B3GALT5: variants seen among roughly 807,000 people sequenced by gnomAD.
B3GALT5 encodes beta-1,3-galactosyltransferase 5.
For missense variants in B3GALT5, 328 were observed against 396.6 expected (o/e 0.83, Z 1.47); for synonymous variants, 156 against 158.6 (o/e 0.98, Z 0.12).
intron 2 of B3GALT5, among the ~76,000 whole-genome samples, chr21:39,656,562 T>C (rs902495516): frequency 2.0e-5 from 3 of 152,204 alleles, no homozygotes; most frequent in Non-Finnish European, 4.4e-5. Flanking sequence ...GGCCTCATAG[T>C]GGGGCTTGGC....
intron 2 of B3GALT5, among the ~76,000 whole-genome samples, chr21:39,649,754 G>A (rs1424051179): frequency 3.9e-5 from 6 of 152,178 alleles, no homozygotes; most frequent in South Asian, 2.1e-4. Context: ...AGATAGTGAC[G>A]TTGGGGATCT....
At chr21:39,638,947 G>A (rs183801923) in intron 1 of B3GALT5, among the ~76,000 whole-genome samples, 2 of 152,304 alleles carry the variant, frequency 1.3e-5, no homozygotes, top group Non-Finnish European at 2.9e-5. Flanking sequence ...AGAAGTGAGC[G>A]ATAGGTGGAT....
chr21:39,635,680 A>T (rs2079222380), intron 1 of B3GALT5, among the ~76,000 whole-genome samples: 1 of 152,076 alleles, frequency 6.6e-6, no homozygotes, highest in African/African-American at 2.4e-5. Context: ...GGGTTTTGCC[A>T]TGTTGGTCAG....
intron 1 of B3GALT5, among the ~76,000 whole-genome samples, chr21:39,617,983 T>A (rs547073004): frequency 2.0e-4 from 30 of 147,128 alleles, no homozygotes; most frequent in African/African-American, 7.5e-4. Flanking sequence ...ATGAAAAAAA[T>A]AAATAAATAA....
chr21:39,635,712 T>A (rs1316403559), intron 1 of B3GALT5, among the ~76,000 whole-genome samples: 3 of 152,150 alleles, frequency 2.0e-5, no homozygotes, highest in African/African-American at 7.2e-5. Context: ...ACTCCTGACC[T>A]CAAGTGATCC....
chr21:39,626,337 C>T (rs1027690641), intron 1 of B3GALT5, among the ~76,000 whole-genome samples: 8 of 152,264 alleles, frequency 5.3e-5, no homozygotes, highest in African/African-American at 1.7e-4. Flanking sequence ...TACCAGTGAA[C>T]GCTCGGGTTG....
Position 39,661,009 on chromosome 21 carries a change from G to T in B3GALT5, c.450G>T (p.Ala150=), listed in dbSNP as rs538924308. 1 of 1,613,466 alleles carries T rather than the reference G, an allele frequency of 6.2e-7. No homozygotes were observed. Among genetic ancestry groups the T allele is most frequent in the South Asian group, 1.1e-5 (1 of 91,046 alleles). ...TCCATCGCTTTTGTCCTCAGGCGGC[G>T]TTTGTGATGAAAACAGACTCAGACA... ...EWVHRFCPQA[A]FVMKTDSDMF... is the part of the protein sequence containing the mutation. The change falls in exon 4 of 4, where the codon GCG becomes GCT. Residue 150 remains alanine, a synonymous_variant. Coordinates refer to ENST00000684187, the MANE Select transcript of B3GALT5 (RefSeq NM_001356336.2). The surrounding 1 kb of genome is among the most constrained non-coding windows in gnomAD (Gnocchi z 4.7).
chr21:39,658,830 C>T (rs2238702), intron 2 of B3GALT5, among the ~76,000 whole-genome samples: 123,286 of 152,084 alleles, frequency 0.81, 50,014 homozygotes, highest in Middle Eastern at 0.88. Context: ...GAAAGAAGTC[C>T]CTGGAGAGCG....
chr21:39,645,412 G>A (rs1012315544), intron 1 of B3GALT5, among the ~76,000 whole-genome samples: 1 of 152,244 alleles, frequency 6.6e-6, no homozygotes, highest in Non-Finnish European at 1.5e-5. Flanking sequence ...CTCAGCCAGA[G>A]ATGGCTTCTT....
chr21:39,657,915 T>C, intron 2 of B3GALT5: 1 of 1,231,490 alleles, frequency 8.1e-7, no homozygotes, highest in Non-Finnish European at 1.0e-6. Context: ...GTAGCACAGA[T>C]AGTGCCTGTT....
rs1001915753 is a variant in B3GALT5 at position 39,668,568 on chromosome 21, T to C, written c.*7076T>C. ...CACGTGCTCAGTGTTAGGCATTTTT[T>C]CCCCCTCCTGCTCTGAATCAATGCG... On this transcript the variant is annotated 3_prime_UTR_variant, in exon 4 of 4. Transcript: ENST00000684187. 16 of 152,090 alleles carry C rather than the reference T, an allele frequency of 1.1e-4. No homozygotes were observed. Among genetic ancestry groups the C allele is most frequent in the African/African-American group, 3.4e-4 (14 of 41,406 alleles). 9.4% of individuals were successfully genotyped at this position (152,090 alleles called of 1,614,324 possible).
chr21:39,630,952 C>T (rs1170843745), intron 1 of B3GALT5, among the ~76,000 whole-genome samples: 1 of 152,052 alleles, frequency 6.6e-6, no homozygotes, highest in African/African-American at 2.4e-5. Flanking sequence ...ATTTTCCTTT[C>T]AAAATATTCC....
chr21:39,625,450 G>A (rs557575078), intron 1 of B3GALT5, among the ~76,000 whole-genome samples: 1 of 152,128 alleles, frequency 6.6e-6, no homozygotes, highest in South Asian at 2.1e-4. Context: ...AATTCTTTTC[G>A]CCTCACCTAG....
chr21:39,662,949 G>T lies in B3GALT5; in HGVS notation c.*1457G>T. The T allele has an allele frequency of 6.2e-6, 1 of 160,114 alleles. No individual in the cohort carries two copies. 9.9% of individuals were successfully genotyped at this position (160,114 alleles called of 1,614,324 possible). On this transcript the variant is annotated 3_prime_UTR_variant, in exon 4 of 4. Transcript: ENST00000684187. ...GTTTTGACCATGTTCAATTGCAAAA[G>T]TACGTCTGATATCCTATTTTGCATA...
chr21:39,617,425 C>CG (rs1398266338), intron 1 of B3GALT5, among the ~76,000 whole-genome samples: 1 of 152,106 alleles, frequency 6.6e-6, no homozygotes, highest in African/African-American at 2.4e-5. Flanking sequence ...ACAATCATGG[C>CG]GGAAGGGGAG....
chr21:39,641,015 G>A (rs1244065430), intron 1 of B3GALT5, among the ~76,000 whole-genome samples: 2 of 152,278 alleles, frequency 1.3e-5, no homozygotes, highest in African/African-American at 4.8e-5. Context: ...AGAGTGCTGG[G>A]ATTATAGGTG....
intron 1 of B3GALT5, among the ~76,000 whole-genome samples, chr21:39,623,241 C>CCCTTCCTTCCTT (rs1182848314): frequency 0.033 from 593 of 17,802 alleles, 43 homozygotes; most frequent in Middle Eastern, 0.083. Context: ...CTCCCTCCCT[C>CCCTTCCTTCCTT]CCTTCCTTCC....
At chr21:39,638,604 A>AC (rs1476084733) in intron 1 of B3GALT5, among the ~76,000 whole-genome samples, 2 of 152,072 alleles carry the variant, frequency 1.3e-5, no homozygotes, top group African/African-American at 4.8e-5. Context: ...CAAGGCAAGA[A>AC]CCCCGGGATA....
At position 39,613,441 on chromosome 21, in the gene B3GALT5, C is replaced by G. The variant is rs776291557; in HGVS notation, c.-392+374C>G. On this transcript the variant is annotated intron_variant, in intron 1 of 3. Coordinates refer to ENST00000684187, the MANE Select transcript of B3GALT5 (RefSeq NM_001356336.2). ...CTAATCTTAAGCAACAACAACAAAA[C>G]AAACTCTGAAGCACCCTGCGGCAGG... is the stretch of plus-strand genomic sequence containing the variant. Among the ~76,000 whole-genome samples the G allele has an allele frequency of 2.6e-5, 4 of 152,144 alleles. No homozygotes were observed. The South Asian group carries it at 6.2e-4, about 24-fold the overall frequency.
Sources: allele counts gnomAD v4.1 joint callset (sites outside exome capture counted in the v4.1 genomes callset), GRCh38; gene constraint gnomAD v4.1.1; non-coding constraint Gnocchi (gnomAD v3.1); transcripts MANE v1.5; gene names NCBI Gene and HGNC (gene_info 2026-07-23, HGNC 2026-07-21).